PTPN7: variants seen among roughly 807,000 people sequenced by gnomAD.
PTPN7 encodes the protein tyrosine-protein phosphatase non-receptor type 7.
In PTPN7, 33 loss-of-function variants were observed where a neutral mutation model predicts 50.3. The observed-to-expected ratio is 0.66, with a 90% CI of 0.50 to 0.88. The LOEUF is 0.88. Ranked by LOEUF, PTPN7 falls within the 40% of genes least tolerant of loss-of-function variation. The pLI is 0.00. For missense variants in PTPN7, 412 were observed against 475.4 expected (o/e 0.87, Z 1.24); for synonymous variants, 185 against 186.6 (o/e 0.99, Z 0.07).
chr1:202,158,388 C>T (rs1337479393), intron 2 of PTPN7, 87 bp from the exon 3 acceptor site: 6 of 1,405,562 alleles, frequency 4.3e-6, no homozygotes, highest in Non-Finnish European at 5.8e-6. Flanking sequence ...GAGATAGGGT[C>T]TCTCTCTGTT....
rs145836569 is a variant in PTPN7 at position 202,152,687 on chromosome 1, G to C, written c.730C>G (p.Arg244Gly). 6.2e-7 allele frequency: 1 copy of C among 1,613,922 alleles called. No homozygotes were observed. Among genetic ancestry groups the C allele is most frequent in the African/African-American group, 1.3e-5 (1 of 74,918 alleles). ...RQLTIQYQEE[R>G]RSVKHILFSA... Reference sequence around the variant, plus strand: ...AAGAGGATGTGCTTTACTGACCGGCGCTCTTCCTGGTACTGGATTGGAGAC... The same window carrying C: ...AAGAGGATGTGCTTTACTGACCGGCCCTCTTCCTGGTACTGGATTGGAGAC... Residue 244 changes from arginine (R) to glycine (G), a missense_variant, in exon 8 of 10, where the codon CGC (arginine) becomes GGC (glycine). Arg to Gly is a moderately radical substitution (Grantham distance 125). Coordinates refer to ENST00000691036, the MANE Select transcript of PTPN7 (RefSeq NM_002832.4).
chr1:202,149,373 C>T (rs914208997), intron 9 of PTPN7, among the ~76,000 whole-genome samples: 1 of 152,170 alleles, frequency 6.6e-6, no homozygotes, highest in African/African-American at 2.4e-5. Context: ...TTCTAATAAT[C>T]TTAAAAAGTA....
At chr1:202,150,001 T>G (rs1655777992) in intron 9 of PTPN7, 1 of 209,788 alleles carries the variant, frequency 4.8e-6, no homozygotes, top group African/African-American at 2.3e-5. Flanking sequence ...CTGGCTAATT[T>G]TTGTATTTTT....
chr1:202,160,401 G>A lies in PTPN7; in HGVS notation c.-53+144C>T. 1.2e-6 allele frequency: 1 copy of A among 833,898 alleles called. No individual in the cohort carries two copies. Among genetic ancestry groups the A allele is most frequent in the African/African-American group, 1.7e-5 (1 of 58,354 alleles). The allele number at this position is 833,898 out of a possible 1,614,324, so 51.7% of individuals were successfully genotyped here. A position where few individuals can be genotyped will look rare whatever the true frequency, so the allele number is the denominator to read the frequency against. ...GCTCACCCCCGTCTTGGGGACATCAGGTCTGTGAGCACCCATACCCCAGCC... is the reference window on the plus strand; with the variant it reads ...GCTCACCCCCGTCTTGGGGACATCAAGTCTGTGAGCACCCATACCCCAGCC... On this transcript the variant is annotated intron_variant, in intron 1 of 9. Transcript: ENST00000691036. This position sits in a 1 kb window ranked among gnomAD's most constrained non-coding sequence, Gnocchi z 4.8.
At chr1:202,150,254 A>G in intron 9 of PTPN7, 57 bp downstream of exon 9, 2 of 1,376,706 alleles carry the variant, frequency 1.5e-6, no homozygotes, top group Non-Finnish European at 1.0e-6. Flanking sequence ...TCTGGGGCCC[A>G]GAGGCACTGA....
chr1:202,160,636 G>A (rs1053755963), upstream of PTPN7: 6 of 1,550,440 alleles, frequency 3.9e-6, no homozygotes, highest in African/African-American at 4.1e-5. This position sits in a 1 kb window ranked among gnomAD's most constrained non-coding sequence, Gnocchi z 4.8. Flanking sequence ...CAGGAAGCCA[G>A]CTTCCTCCCT....
In PTPN7 at chr1:202,159,127, C is replaced by CA; in HGVS notation, c.122+153dup. 1.5e-6 allele frequency: 1 copy of CA among 688,918 alleles called. No homozygotes were observed. 42.7% of individuals were successfully genotyped at this position (688,918 alleles called of 1,614,324 possible). A position where few individuals can be genotyped will look rare whatever the true frequency, so the allele number is the denominator to read the frequency against. ...GTGCTCCAGACATGCAAAAGACATGCAAATGAGCACTACTGGTTTCCTTTC... is the reference window on the plus strand; with the variant it reads ...GTGCTCCAGACATGCAAAAGACATGCAAAATGAGCACTACTGGTTTCCTTTC... On this transcript the variant is annotated intron_variant, in intron 2 of 9. Transcript: ENST00000691036. This position sits in a 1 kb window ranked among gnomAD's most constrained non-coding sequence, Gnocchi z 4.6.
intron 3 of PTPN7, 127 bp downstream of exon 3, chr1:202,157,991 C>G (rs1352661438): frequency 2.3e-6 from 3 of 1,327,276 alleles, no homozygotes; most frequent in Non-Finnish European, 3.1e-6. Context: ...CTCCCTCAGC[C>G]CTGAAGTTCT....
upstream of PTPN7, chr1:202,161,138 G>T: frequency 6.6e-6 from 8 of 1,215,540 alleles, no homozygotes; most frequent in Non-Finnish European, 8.3e-6. Flanking sequence ...ACTCGGGGTG[G>T]GGAAAAAGAA....
In PTPN7 at chr1:202,154,127, G is replaced by A. The variant is rs189817830; in HGVS notation, c.606+59C>T. The A allele has an allele frequency of 4.4e-4, 710 of 1,604,150 alleles. 8 individuals carry two copies. In the East Asian group the frequency reaches 0.014, roughly 31 times the overall value. On this transcript the variant is annotated intron_variant, in intron 6 of 9. Coordinates refer to ENST00000691036, the MANE Select transcript of PTPN7 (RefSeq NM_002832.4). ...TCTGAGCTGCCCTGTGTGTGGGGTGGGGGTGGGGTGGGCATAGCACTTTCT... is the reference window on the plus strand; with the variant it reads ...TCTGAGCTGCCCTGTGTGTGGGGTGAGGGTGGGGTGGGCATAGCACTTTCT...
At chr1:202,152,449 T>C (rs913662072) in intron 8 of PTPN7, 93 bp downstream of exon 8, 1 of 1,419,508 alleles carries the variant, frequency 7.0e-7, no homozygotes, top group Non-Finnish European at 9.4e-7. Flanking sequence ...GCTTGCCTGA[T>C]GCTTTTCTGC....
At chr1:202,154,854 C>T (rs1656468385) in intron 5 of PTPN7, among the ~76,000 whole-genome samples, 1 of 152,214 alleles carries the variant, frequency 6.6e-6, no homozygotes, top group Non-Finnish European at 1.5e-5. Flanking sequence ...CCTTCAGGAT[C>T]CTCAGCTTCC....
In PTPN7 at chr1:202,159,093, T is replaced by C. The variant is rs1047051066; in HGVS notation, c.122+188A>G. The C allele has an allele frequency of 1.3e-5, 8 of 619,772 alleles. No homozygotes were observed. Among genetic ancestry groups the C allele is most frequent in the Non-Finnish European group, 1.1e-5 (4 of 351,532 alleles). The allele number at this position is 619,772 out of a possible 1,614,324, so 38.4% of individuals were successfully genotyped here. ...TTAGGGAGCAGGCTCATGGTTGATA[T>C]GAAACTCTGTGCTCCAGACATGCAA... On this transcript the variant is annotated intron_variant, in intron 2 of 9. Coordinates refer to ENST00000691036, the MANE Select transcript of PTPN7 (RefSeq NM_002832.4). The surrounding 1 kb of genome is among the most constrained non-coding windows in gnomAD (Gnocchi z 4.6).
upstream of PTPN7, chr1:202,160,663 C>A: frequency 6.4e-7 from 1 of 1,550,590 alleles, no homozygotes; most frequent in Non-Finnish European, 8.7e-7. This position sits in a 1 kb window ranked among gnomAD's most constrained non-coding sequence, Gnocchi z 4.8. Context: ...CTCCTTGCTG[C>A]CACCCACGCA....
In PTPN7 at chr1:202,160,385, C is replaced by T. The variant is rs1037659313; in HGVS notation, c.-53+160G>A. Among the ~76,000 whole-genome samples the T allele has an allele frequency of 5.9e-5, 9 of 152,188 alleles. 1 individual carries two copies. The highest frequency in any genetic ancestry group is 1.2e-4 in the Non-Finnish European group (8 of 67,996). ...TCCCTGTGGCTTCCCTGCTCACCCC[C>T]GTCTTGGGGACATCAGGTCTGTGAG... On this transcript the variant is annotated intron_variant, in intron 1 of 9. Transcript: ENST00000691036. The surrounding 1 kb of genome is among the most constrained non-coding windows in gnomAD (Gnocchi z 4.8).
At chr1:202,157,864 C>A in intron 3 of PTPN7, 41 bp from the exon 4 acceptor site, 1 of 1,552,674 alleles carries the variant, frequency 6.4e-7, no homozygotes, top group Non-Finnish European at 8.9e-7. Flanking sequence ...GACTCCTAGC[C>A]TCCTTTTCTC....
In PTPN7 at chr1:202,158,311, T is replaced by C. The variant is rs1168643536; in HGVS notation, c.123-10A>G. 1 of 1,613,424 alleles carries C rather than the reference T, an allele frequency of 6.2e-7. No individual in the cohort carries two copies. Among genetic ancestry groups the C allele is most frequent in the Non-Finnish European group, 8.5e-7 (1 of 1,179,748 alleles). ...CACATTGGAGCCCCGCCTGCAGGCA[T>C]AGCCCACCACTGCCTAGTGAGCACC... is the stretch of plus-strand genomic sequence containing the variant. On this transcript the variant is annotated splice_polypyrimidine_tract_variant and intron_variant, in intron 2 of 9. Coordinates refer to ENST00000691036, the MANE Select transcript of PTPN7 (RefSeq NM_002832.4).
In PTPN7 at chr1:202,155,516, G is replaced by A. The variant is rs1656557682; in HGVS notation, c.468+17C>T. Reference sequence around the variant, plus strand: ...ATTCCCCCATTCCCCGCCCACCACTGCAGCCAGGCCACTCACTCGGATGTA... The same window carrying A: ...ATTCCCCCATTCCCCGCCCACCACTACAGCCAGGCCACTCACTCGGATGTA... On this transcript the variant is annotated intron_variant, in intron 5 of 9. Coordinates refer to ENST00000691036, the MANE Select transcript of PTPN7 (RefSeq NM_002832.4). The A allele has an allele frequency of 6.5e-7, 1 of 1,532,014 alleles. No individual in the cohort carries two copies. Among genetic ancestry groups the A allele is most frequent in the Non-Finnish European group, 9.0e-7 (1 of 1,105,690 alleles). 94.9% of individuals were successfully genotyped at this position (1,532,014 alleles called of 1,614,324 possible).
In PTPN7 at chr1:202,152,568, G is replaced by C. The variant is rs1656141860; in HGVS notation, c.849C>G (p.His283Gln). Reference protein sequence around the residue: ...EVEESPETAAHPGPIVVHCSA... With the variant: ...EVEESPETAAQPGPIVVHCSA... The stretch of plus-strand genomic sequence containing the variant: ...TGCAGTGGACTACGATAGGCCCGGG[G>C]TGGGCGGCTGTCTCCGGGCTCTCCT... The change falls in exon 8 of 10, where the codon CAC (histidine) becomes CAG (glutamine). Residue 283 changes from histidine to glutamine, a missense_variant. Coordinates refer to ENST00000691036, the MANE Select transcript of PTPN7 (RefSeq NM_002832.4). The C allele has an allele frequency of 6.2e-7, 1 of 1,613,502 alleles. No homozygotes were observed.
Sources: gnomAD v4.1 joint callset for allele counts (sites outside exome capture counted in the v4.1 genomes callset) on GRCh38, gnomAD v4.1.1 for gene constraint, Gnocchi (gnomAD v3.1) non-coding constraint, MANE v1.5 for transcripts, NCBI Gene and HGNC (gene_info 2026-07-23, HGNC 2026-07-21) for gene names.